Variants in PRKN observed in about 807,000 individuals in gnomAD.
PRKN encodes the protein E3 ubiquitin-protein ligase parkin.
PRKN carries 56 observed loss-of-function variants against 59.5 expected under a neutral mutation model. The observed-to-expected ratio is 0.94, with a 90% confidence interval of 0.76 to 1.18. The LOEUF (loss-of-function observed/expected upper bound fraction) is 1.18, where lower values mean the gene tolerates loss of function less well. Ranked by LOEUF, PRKN falls within the 50% of genes most tolerant of loss-of-function variation. The probability of loss-of-function intolerance (pLI) is 0.00; values close to 1 mark genes in which losing one functional copy is unlikely to be tolerated. For synonymous variants in PRKN, 250 were observed against 222.1 expected (o/e 1.13, Z -1.12); for missense variants, 657 against 596.4 (o/e 1.10, Z -1.06).
At chr6:162,484,679 T>C (rs1792462231) in intron 1 of PRKN, among the ~76,000 whole-genome samples, 1 of 152,210 alleles carries the variant, frequency 6.6e-6, no homozygotes, top group South Asian at 2.1e-4. Flanking sequence ...ACAGTGCTTT[T>C]AATTTGCGGT....
At chr6:161,406,506 C>T (rs913481658) in intron 9 of PRKN, among the ~76,000 whole-genome samples, 15 of 152,094 alleles carry the variant, frequency 9.9e-5, no homozygotes, top group African/African-American at 3.4e-4. Flanking sequence ...TATTTTGTTT[C>T]TTTGAATGGT....
At position 161,567,031 on chromosome 6, in the gene PRKN, T is replaced by G. The variant is rs1161200800; in HGVS notation, c.933+2324A>C. 1.2e-3 allele frequency among the ~76,000 whole-genome samples: 142 copies of G among 117,140 alleles called. 1 individual carries two copies. The highest frequency in any genetic ancestry group is 4.7e-3 in the African/African-American group (140 of 29,692). 76.8% of individuals were successfully genotyped at this position (117,140 alleles called of 152,430 possible). On this transcript the variant is annotated intron_variant, in intron 8 of 11. Transcript: ENST00000366898. ...AGTATTCACTGTCCTTGTTTTTTTT[T>G]TTTTTTTGTGTGTGTGTGTGTGTGT...
At chr6:161,751,423 C>T (rs1421973182) in intron 7 of PRKN, among the ~76,000 whole-genome samples, 1 of 152,162 alleles carries the variant, frequency 6.6e-6, no homozygotes, top group African/African-American at 2.4e-5. Flanking sequence ...CACATAATAG[C>T]TTGGTTTGTT....
chr6:162,550,434 G>A (rs1779292268), intron 1 of PRKN, among the ~76,000 whole-genome samples: 1 of 152,168 alleles, frequency 6.6e-6, no homozygotes, highest in Non-Finnish European at 1.5e-5. Flanking sequence ...GAACTCTAGA[G>A]ACACTTCTCA....
chr6:162,410,374 C>G (rs774483042), intron 2 of PRKN, among the ~76,000 whole-genome samples: 4 of 152,006 alleles, frequency 2.6e-5, no homozygotes, highest in African/African-American at 9.7e-5. Context: ...AAAAGCATAT[C>G]CAAAAAATGT....
Position 162,096,675 on chromosome 6 carries a change from C to A in PRKN, c.535-42501G>T, listed in dbSNP as rs182658858. On this transcript the variant is annotated intron_variant, in intron 4 of 11. Transcript: ENST00000366898. Reference sequence around the variant, plus strand: ...TTTCCCCTTTCGCTTGGTTCTCATTCTCTTTTGCCTGCCGCCATGTAAGAT... The same window carrying A: ...TTTCCCCTTTCGCTTGGTTCTCATTATCTTTTGCCTGCCGCCATGTAAGAT... Among the ~76,000 whole-genome samples, 146 of 152,204 alleles carry A rather than the reference C, an allele frequency of 9.6e-4. 1 individual carries two copies. Among genetic ancestry groups the A allele is most frequent in the African/African-American group, 3.3e-3 (138 of 41,520 alleles).
intron 7 of PRKN, among the ~76,000 whole-genome samples, chr6:161,623,045 A>G (rs557422456): frequency 2.0e-5 from 3 of 152,330 alleles, no homozygotes; most frequent in East Asian, 3.9e-4. Context: ...AGCTATTTAC[A>G]ATAGATTGCA....
intron 1 of PRKN, among the ~76,000 whole-genome samples, chr6:162,501,344 CT>C (rs1158797694): frequency 4.9e-5 from 6 of 122,954 alleles, no homozygotes; most frequent in African/African-American, 8.7e-5. Flanking sequence ...TTCTAAATCC[CT>C]TTTTTCCTTT....
intron 1 of PRKN, among the ~76,000 whole-genome samples, chr6:162,675,089 C>T (rs1168364655): frequency 1.3e-5 from 2 of 151,474 alleles, no homozygotes; most frequent in African/African-American, 4.9e-5. Context: ...GCTCTGTTGC[C>T]CGGCTGGAGT....
At chr6:161,893,750 C>G (rs1408004810) in intron 6 of PRKN, among the ~76,000 whole-genome samples, 2 of 152,172 alleles carry the variant, frequency 1.3e-5, no homozygotes, top group Non-Finnish European at 2.9e-5. Flanking sequence ...CCAGTCCCAG[C>G]CACAAAGTGA....
rs182959851 is a variant in PRKN, at chr6:161,706,509, G to A, written c.871+79263C>T. 1.1e-3 allele frequency among the ~76,000 whole-genome samples: 175 copies of A among 152,338 alleles called. 2 individuals are homozygous for A. Among genetic ancestry groups the A allele is most frequent in the Non-Finnish European group, 1.7e-3 (116 of 68,034 alleles). Reference sequence around the variant, plus strand: ...GTGCCTTACTCATCTGTTCTAGGATGCAACTGGCACGCAGGAAGGAATCGA... The same window carrying A: ...GTGCCTTACTCATCTGTTCTAGGATACAACTGGCACGCAGGAAGGAATCGA... On this transcript the variant is annotated intron_variant, in intron 7 of 11. Transcript: ENST00000366898.
At position 161,348,692 on chromosome 6, in the gene PRKN, G is replaced by A. The variant is rs11961237; in HGVS notation, c.*1407C>T. The stretch of plus-strand genomic sequence containing the variant: ...CCTGTTGCCGATTTAATAATTTACA[G>A]TCTCTAAATCCAAAAGGGCCTCCAT... On this transcript the variant is annotated 3_prime_UTR_variant, in exon 12 of 12. Coordinates refer to ENST00000366898, the MANE Select transcript of PRKN (RefSeq NM_004562.3). The surrounding 1 kb of genome is among the most constrained non-coding windows in gnomAD (Gnocchi z 4.9). 5.7e-3 allele frequency: 1,197 copies of A among 210,130 alleles called. 18 individuals are homozygous for A. Among genetic ancestry groups the A allele is most frequent in the African/African-American group, 0.025 (1,112 of 44,070 alleles). The allele number at this position is 210,130 out of a possible 1,614,324, so 13.0% of individuals were successfully genotyped here.
chr6:162,584,212 CA>C (rs777161921), intron 1 of PRKN, among the ~76,000 whole-genome samples: 7 of 91,272 alleles, frequency 7.7e-5, no homozygotes, highest in Admixed American at 2.3e-4. Flanking sequence ...GACTCCGTCT[CA>C]AAAAAAAAAA....
Position 161,488,625 on chromosome 6 carries a change from A to G in PRKN, c.1083+60229T>C, listed in dbSNP as rs1777427296. Among the ~76,000 whole-genome samples the G allele has an allele frequency of 6.6e-6, 1 of 152,048 alleles. No homozygotes were observed. Among genetic ancestry groups the G allele is most frequent in the Non-Finnish European group, 1.5e-5 (1 of 68,014 alleles). ...CTCAGCCTCCTGAGTAGGTGGGACT[A>G]AAGGCATGCACCACCACACCTGGCT... On this transcript the variant is annotated intron_variant, in intron 9 of 11. Transcript: ENST00000366898. This position sits in a 1 kb window ranked among gnomAD's most constrained non-coding sequence, Gnocchi z 4.5.
In PRKN at chr6:161,410,395, G is replaced by A. The variant is rs1191882246; in HGVS notation, c.1084-23518C>T. Among the ~76,000 whole-genome samples, 6 of 152,112 alleles carry A rather than the reference G, an allele frequency of 3.9e-5. No homozygotes were observed. Among genetic ancestry groups the A allele is most frequent in the Non-Finnish European group, 5.9e-5 (4 of 68,030 alleles). On this transcript the variant is annotated intron_variant, in intron 9 of 11. Transcript: ENST00000366898. The surrounding 1 kb of genome is among the most constrained non-coding windows in gnomAD (Gnocchi z 5.3). The stretch of plus-strand genomic sequence containing the variant: ...TCCTTTCCTGGCCTGGGGGAAGCAC[G>A]TACAATCCCTGAGCTATGAACAGTG...
At chr6:161,708,410 C>T (rs1786599105) in intron 7 of PRKN, among the ~76,000 whole-genome samples, 1 of 150,972 alleles carries the variant, frequency 6.6e-6, no homozygotes, top group African/African-American at 2.4e-5. Flanking sequence ...TTACCACTGC[C>T]CCAATTACCT....
chr6:161,768,280 C>G (rs1789513950), intron 7 of PRKN, among the ~76,000 whole-genome samples: 1 of 152,152 alleles, frequency 6.6e-6, no homozygotes, highest in African/African-American at 2.4e-5. Context: ...ATTAGTGCAT[C>G]ACATATAGTA....
intron 1 of PRKN, among the ~76,000 whole-genome samples, chr6:162,596,279 G>A (rs954636476): frequency 7.2e-5 from 11 of 152,048 alleles, no homozygotes; most frequent in African/African-American, 2.4e-4. Context: ...TTCCACAAGT[G>A]ACAACTCAGC....
In PRKN at chr6:161,456,990, G is replaced by C. The variant is rs1386447391; in HGVS notation, c.1084-70113C>G. Among the ~76,000 whole-genome samples, 3 of 152,184 alleles carry C rather than the reference G, an allele frequency of 2.0e-5. No individual in the cohort carries two copies. Among genetic ancestry groups the C allele is most frequent in the Non-Finnish European group, 4.4e-5 (3 of 68,032 alleles). On this transcript the variant is annotated intron_variant, in intron 9 of 11. Coordinates refer to ENST00000366898, the MANE Select transcript of PRKN (RefSeq NM_004562.3). This position sits in a 1 kb window ranked among gnomAD's most constrained non-coding sequence, Gnocchi z 4.8. Reference sequence around the variant, plus strand: ...TTGCCTCCACTGTGGTCCTACCAGAGAGCTGAGTTCAGGACCTGGGTTTGG... The same window carrying C: ...TTGCCTCCACTGTGGTCCTACCAGACAGCTGAGTTCAGGACCTGGGTTTGG...
Sources: gnomAD v4.1 joint callset for allele counts (sites outside exome capture counted in the v4.1 genomes callset) on GRCh38, gnomAD v4.1.1 for gene constraint, Gnocchi (gnomAD v3.1) non-coding constraint, MANE v1.5 for transcripts, NCBI Gene and HGNC (gene_info 2026-07-23, HGNC 2026-07-21) for gene names.